PCDHA11: variants seen among roughly 807,000 people sequenced by gnomAD.
PCDHA11 encodes the protein protocadherin alpha-11.
In PCDHA11, 61 loss-of-function variants were observed where a neutral mutation model predicts 70.3. The observed-to-expected ratio is 0.87, with a 90% CI of 0.71 to 1.07. The LOEUF is 1.07. Ranked by LOEUF, PCDHA11 falls within the 50% of genes least tolerant of loss-of-function variation. The pLI is 0.00. For missense variants in PCDHA11, 1,324 were observed against 1,237.5 expected (o/e 1.07, Z -1.05); for synonymous variants, 633 against 555.1 (o/e 1.14, Z -1.97).
At chr5:140,957,549 C>G (rs563057107) in intron 1 of PCDHA11, among the ~76,000 whole-genome samples, 1 of 152,156 alleles carries the variant, frequency 6.6e-6, no homozygotes, top group South Asian at 2.1e-4. Context: ...AAAGTATTCT[C>G]TGTGGAAAAG....
intron 1 of PCDHA11, among the ~76,000 whole-genome samples, chr5:140,945,295 T>G (rs2093770302): frequency 6.6e-6 from 1 of 152,084 alleles, no homozygotes; most frequent in Non-Finnish European, 1.5e-5. Flanking sequence ...TGAAAGAAAT[T>G]GAAGAAGACA....
intron 1 of PCDHA11, among the ~76,000 whole-genome samples, chr5:140,872,414 C>T (rs138959813): frequency 1.3e-5 from 2 of 152,128 alleles, no homozygotes; most frequent in East Asian, 1.9e-4. Context: ...ATTGCTTGAG[C>T]CCAAGAGTTC....
At position 141,011,769 on chromosome 5, in the gene PCDHA11, A is replaced by C. The variant is rs2098421803; in HGVS notation, c.*1832A>C. 1 of 153,794 alleles carries C rather than the reference A, an allele frequency of 6.5e-6. No homozygotes were observed. The highest frequency in any genetic ancestry group is 1.5e-5 in the Non-Finnish European group (1 of 68,040). 9.5% of individuals were successfully genotyped at this position (153,794 alleles called of 1,614,324 possible). On this transcript the variant is annotated 3_prime_UTR_variant, in exon 4 of 4. Coordinates refer to ENST00000398640, the MANE Select transcript of PCDHA11 (RefSeq NM_018902.5). ...AATCTGACCTCTTTGAAGTTGCAGA[A>C]TGCTTTGAAATTCTAATGGTATCTG... is the stretch of plus-strand genomic sequence containing the variant.
At chr5:140,886,615 C>A (rs1032902050) in intron 1 of PCDHA11, among the ~76,000 whole-genome samples, 2 of 152,028 alleles carry the variant, frequency 1.3e-5, no homozygotes, top group Admixed American at 1.3e-4. Flanking sequence ...ATCAGGAGAT[C>A]AGGAGTCCGA....
At chr5:140,926,731 G>C (rs1282301090) in intron 1 of PCDHA11, 9 of 1,104,780 alleles carry the variant, frequency 8.1e-6, no homozygotes, top group Middle Eastern at 3.2e-4. Flanking sequence ...GCCGGCGTTC[G>C]GGAGGCGCAA....
Position 140,870,022 on chromosome 5 carries a change from T to G in PCDHA11, c.919T>G (p.Leu307Val), listed in dbSNP as rs1554163715. The G allele has an allele frequency of 6.2e-7, 1 of 1,613,310 alleles. No homozygotes were observed. The highest frequency in any genetic ancestry group is 1.7e-5 in the Admixed American group (1 of 59,974). ...TGGAGAAGTGAGGGTCAATGGAACT[T>G]TAGATTATGAAGAAAACAAGTTTTA... ...NNGEVRVNGT[L>V]DYEENKFYKI... The change falls in exon 1 of 4, where the codon TTA becomes GTA. Residue 307 changes from leucine (L) to valine (V), a missense_variant. Transcript: ENST00000398640.
intron 3 of PCDHA11, among the ~76,000 whole-genome samples, chr5:141,007,395 C>CAAAAAAAAAAAAAAAAAA (rs35800918): frequency 1.1e-5 from 1 of 94,866 alleles, no homozygotes; most frequent in African/African-American, 4.3e-5. Context: ...TACTAAAATA[C>CAAAAAAAAAAAAAAAAAA]AAAAAAAAAA....
rs539970308 is a variant in PCDHA11 at position 140,890,959 on chromosome 5, G to GGTTTT, written c.2391+19471_2391+19475dup. 2.6e-4 allele frequency among the ~76,000 whole-genome samples: 40 copies of GGTTTT among 152,148 alleles called. 1 individual carries two copies. In the South Asian group the frequency reaches 8.1e-3, roughly 31 times the overall value. On this transcript the variant is annotated intron_variant, in intron 1 of 3. Transcript: ENST00000398640. ...AAGATGCTGGTGAGGAATGATTTCAGGTTTTGTTTTTCTGAAAATGTCTTT... is the reference window on the plus strand; with the variant it reads ...AAGATGCTGGTGAGGAATGATTTCAGGTTTTGTTTTGTTTTTCTGAAAATGTCTTT...
chr5:140,962,370 T>G (rs1554225991), intron 1 of PCDHA11, among the ~76,000 whole-genome samples: 1 of 152,214 alleles, frequency 6.6e-6, no homozygotes, highest in South Asian at 2.1e-4. Flanking sequence ...GCTAGTTTGA[T>G]TTTATCTGTT....
intron 3 of PCDHA11, among the ~76,000 whole-genome samples, chr5:141,000,999 A>G (rs1315543518): frequency 6.6e-6 from 1 of 152,234 alleles, no homozygotes; most frequent in Non-Finnish European, 1.5e-5. Context: ...TATGCTTTAA[A>G]TATGTATTTA....
chr5:140,922,577 T>A (rs155818), intron 1 of PCDHA11, among the ~76,000 whole-genome samples: 2 of 152,016 alleles, frequency 1.3e-5, no homozygotes, highest in East Asian at 1.9e-4. Flanking sequence ...AGTTGCCCTG[T>A]AGCCGCCAGT....
At chr5:140,966,789 C>T (rs782194817) in intron 1 of PCDHA11, 3 of 1,528,688 alleles carry the variant, frequency 2.0e-6, no homozygotes, top group Non-Finnish European at 2.6e-6. Flanking sequence ...GGCACCAGAC[C>T]TGCGGCGACA....
intron 3 of PCDHA11, among the ~76,000 whole-genome samples, chr5:140,990,421 G>A (rs374181612): frequency 2.6e-5 from 4 of 152,190 alleles, no homozygotes; most frequent in Non-Finnish European, 5.9e-5. Flanking sequence ...CTTTCAACCA[G>A]CATTGACCCA....
At chr5:140,877,317 G>A (rs535177109) in intron 1 of PCDHA11, 1 of 1,613,886 alleles carries the variant, frequency 6.2e-7, no homozygotes. Context: ...AACCGGCGGC[G>A]GTCGGCGCGC....
At chr5:141,005,113 G>A (rs2098197843) in intron 3 of PCDHA11, among the ~76,000 whole-genome samples, 1 of 152,184 alleles carries the variant, frequency 6.6e-6, no homozygotes, top group South Asian at 2.1e-4. Flanking sequence ...ATTGTCTTTA[G>A]GGACCCCAAA....
In PCDHA11 at chr5:141,011,807, A is replaced by G. The variant is rs940017317; in HGVS notation, c.*1870A>G. ...CTAATGGTATCTGAAATATCAGCTC[A>G]TAGAAAGTAACAAAATTTGCTGTCA... On this transcript the variant is annotated 3_prime_UTR_variant, in exon 4 of 4. Coordinates refer to ENST00000398640, the MANE Select transcript of PCDHA11 (RefSeq NM_018902.5). The G allele has an allele frequency of 1.3e-5, 2 of 153,798 alleles. No individual in the cohort carries two copies. Among genetic ancestry groups the G allele is most frequent in the African/African-American group, 4.8e-5 (2 of 41,468 alleles). The allele number at this position is 153,798 out of a possible 1,614,324, so 9.5% of individuals were successfully genotyped here.
rs371269236 is a variant in PCDHA11, at chr5:141,009,740, G to A, written c.2653G>A (p.Asp885Asn). Residue 885 changes from aspartate to asparagine, a missense_variant, in exon 4 of 4, where the codon GAC becomes AAC. Asp to Asn is a conservative substitution (Grantham distance 23, BLOSUM62 1). Coordinates refer to ENST00000398640, the MANE Select transcript of PCDHA11 (RefSeq NM_018902.5). ...PKQSGPGELP[D>N]KFIIPGSPAI... ...ACAATCCGGTCCCGGTGAGTTGCCC[G>A]ACAAATTCATTATCCCAGGATCTCC... The A allele has an allele frequency of 1.8e-4, 293 of 1,613,962 alleles. No individual in the cohort carries two copies. Among genetic ancestry groups the A allele is most frequent in the East Asian group, 1.6e-3 (74 of 44,884 alleles).
intron 1 of PCDHA11, among the ~76,000 whole-genome samples, chr5:140,920,150 G>A (rs2079485713): frequency 6.6e-6 from 1 of 152,244 alleles, no homozygotes; most frequent in South Asian, 2.1e-4. Flanking sequence ...CCAAACCTGG[G>A]AGAAAAACTG....
At chr5:140,969,847 A>G (rs2096364168) in intron 1 of PCDHA11, among the ~76,000 whole-genome samples, 1 of 152,150 alleles carries the variant, frequency 6.6e-6, no homozygotes. Flanking sequence ...TATCTAGTTA[A>G]TATTTCTGGT....
Sources: allele counts gnomAD v4.1 joint callset (sites outside exome capture counted in the v4.1 genomes callset), GRCh38; gene constraint gnomAD v4.1.1; transcripts MANE v1.5; gene names NCBI Gene and HGNC (gene_info 2026-07-23, HGNC 2026-07-21).